ACLY: variants seen among roughly 807,000 people sequenced by gnomAD.
ACLY encodes ATP citrate lyase.
Under a neutral mutation model 133.0 loss-of-function variants are expected in ACLY, and 41 were observed. That is an observed-to-expected ratio of 0.31 (90% CI 0.24 to 0.40). The LOEUF (loss-of-function observed/expected upper bound fraction) is 0.40, where lower values mean the gene tolerates loss of function less well. Ranked by LOEUF, ACLY falls within the 10% of genes least tolerant of loss-of-function variation. The pLI is 1.00. For missense variants in ACLY, 1,046 were observed against 1,453.8 expected (o/e 0.72, Z 4.56); for synonymous variants, 495 against 549.3 (o/e 0.90, Z 1.38).
intron 1 of ACLY, among the ~76,000 whole-genome samples, chr17:41,917,910 C>T (rs1567917847): frequency 6.6e-6 from 1 of 152,148 alleles, no homozygotes; most frequent in Non-Finnish European, 1.5e-5. Context: ...TTCAGCTGAG[C>T]CAGCTGAAAA....
upstream of ACLY, among the ~76,000 whole-genome samples, chr17:41,922,660 T>G (rs376604793): frequency 6.6e-6 from 1 of 152,230 alleles, no homozygotes; most frequent in African/African-American, 2.4e-5. Context: ...TAGGGATCTT[T>G]GTCTATTTTC....
rs144417773 is a variant in ACLY, at chr17:41,898,799, A to T, written c.1184-14T>A. Reference sequence around the variant, plus strand: ...CAGTGGTCTTCCCTGCAAGGGAAGGAAAAAAAAATCCATAATTCAAGTCTG... The same window carrying T: ...CAGTGGTCTTCCCTGCAAGGGAAGGTAAAAAAAATCCATAATTCAAGTCTG... On this transcript the variant is annotated splice_polypyrimidine_tract_variant and intron_variant, in intron 11 of 28. Transcript: ENST00000352035. 1.4e-5 allele frequency: 23 copies of T among 1,600,766 alleles called. No individual in the cohort carries two copies. In the Admixed American group the frequency reaches 3.8e-4, roughly 26 times the overall value.
At chr17:41,892,079 G>T (rs2049228612) in intron 16 of ACLY, among the ~76,000 whole-genome samples, 200 bp downstream of exon 16, 1 of 152,086 alleles carries the variant, frequency 6.6e-6, no homozygotes, top group African/African-American at 2.4e-5. Flanking sequence ...CCTGACTTCT[G>T]AAGATCATGT....
At position 41,909,636 on chromosome 17, in the gene ACLY, T is replaced by C. The variant is rs782387518; in HGVS notation, c.410A>G (p.Glu137Gly). Residue 137 changes from glutamate to glycine, a missense_variant, in exon 5 of 29, where the codon GAG (glutamate) becomes GGG (glycine). Physicochemically the swap from Glu to Gly is moderately conservative, Grantham distance 98 (BLOSUM62 -2). This residue lies in a region of ACLY where 227 missense variants were observed against 245.6 expected (regional missense o/e 0.92). Transcript: ENST00000352035. Reference sequence around the variant, plus strand: ...CACATCACCCACGTCCACACCCCCCTCGTGGTGGAACAGGACGTAGTCCCC... The same window carrying C: ...CACATCACCCACGTCCACACCCCCCCCGTGGTGGAACAGGACGTAGTCCCC... ...REGDYVLFHH[E>G]GGVDVGDVDA... The C allele has an allele frequency of 8.7e-6, 14 of 1,613,996 alleles. No homozygotes were observed. Among genetic ancestry groups the C allele is most frequent in the African/African-American group, 1.3e-5 (1 of 74,894 alleles).
chr17:41,867,657 G>A lies in ACLY; in HGVS notation c.*153C>T. ...GTGTGGACTGAAGGGGTGTTAGCCTGTGGATGTTGGTCTTCGGTGCCTGTA... is the reference window on the plus strand; with the variant it reads ...GTGTGGACTGAAGGGGTGTTAGCCTATGGATGTTGGTCTTCGGTGCCTGTA... On this transcript the variant is annotated 3_prime_UTR_variant, in exon 29 of 29. Transcript: ENST00000352035. 2.0e-6 allele frequency: 1 copy of A among 500,044 alleles called. No homozygotes were observed. The highest frequency in any genetic ancestry group is 3.6e-6 in the Non-Finnish European group (1 of 278,784). The allele number at this position is 500,044 out of a possible 1,614,324, so 31.0% of individuals were successfully genotyped here. A position where few individuals can be genotyped will look rare whatever the true frequency, so the allele number is the denominator to read the frequency against.
chr17:41,888,569 C>T (rs1468827074), intron 16 of ACLY, among the ~76,000 whole-genome samples: 3 of 152,156 alleles, frequency 2.0e-5, no homozygotes, highest in African/African-American at 7.2e-5. Context: ...CCAGGGCCAG[C>T]AAACTTCTGT....
At chr17:41,890,792 G>A (rs1392514046) in intron 16 of ACLY, among the ~76,000 whole-genome samples, 2 of 141,464 alleles carry the variant, frequency 1.4e-5, no homozygotes, top group Non-Finnish European at 3.0e-5. Context: ...CTTAAGGCCA[G>A]GAGTTCGAGA....
chr17:41,894,626 T>C (rs1555630040), intron 14 of ACLY, among the ~76,000 whole-genome samples: 1 of 150,460 alleles, frequency 6.6e-6, no homozygotes, highest in East Asian at 1.9e-4. Context: ...TACCAAAATA[T>C]CTCATGCACC....
At position 41,909,839 on chromosome 17, in the gene ACLY, GA is replaced by G. The variant is rs2049845182; in HGVS notation, c.346-140del. 7.0e-5 allele frequency: 53 copies of G among 761,620 alleles called. No homozygotes were observed. The South Asian group carries it at 1.0e-3, about 14-fold the overall frequency. 47.2% of individuals were successfully genotyped at this position (761,620 alleles called of 1,614,324 possible). On this transcript the variant is annotated intron_variant, in intron 4 of 28. Coordinates refer to ENST00000352035, the MANE Select transcript of ACLY (RefSeq NM_001096.3). ...ACGGTCTCATTTTCTAAAACCCAGT[GA>G]AAACCATTCATCCAGAGACTTGTCC...
At chr17:41,878,719 C>T (rs1555626597) in intron 21 of ACLY, 78 bp downstream of exon 21, 3 of 1,573,144 alleles carry the variant, frequency 1.9e-6, no homozygotes, top group Non-Finnish European at 2.6e-6. Flanking sequence ...CATGATGTCC[C>T]TGTGTGGGAG....
intron 1 of ACLY, among the ~76,000 whole-genome samples, chr17:41,930,131 C>T (rs1425752931): frequency 6.6e-6 from 1 of 152,202 alleles, no homozygotes; most frequent in Non-Finnish European, 1.5e-5. Context: ...TTATGTTGAA[C>T]CCAACGTTAT....
chr17:41,872,142 T>C lies in ACLY; in HGVS notation c.2683A>G (p.Met895Val). 6.2e-7 allele frequency: 1 copy of C among 1,614,008 alleles called. No individual in the cohort carries two copies. Among genetic ancestry groups the C allele is most frequent in the Non-Finnish European group, 8.5e-7 (1 of 1,180,028 alleles). Residue 895 changes from methionine (M) to valine (V), a missense_variant, in exon 24 of 29, where the codon ATG becomes GTG. Around this residue, in one of 4 missense-constraint regions of ACLY, gnomAD observed 205 missense variants for 373.3 expected, o/e 0.55. Coordinates refer to ENST00000352035, the MANE Select transcript of ACLY (RefSeq NM_001096.3). ...YSCQFIEMCLMVTADHGPAVS... is the reference protein window; with the variant it reads ...YSCQFIEMCLVVTADHGPAVS... ...GCTGGCCCGTGATCAGCTGTCACCA[T>C]CAGACACATCTCAATGAACTGGCAA... is the stretch of plus-strand genomic sequence containing the variant.
At chr17:41,897,536 G>C (rs937779335) in intron 13 of ACLY, among the ~76,000 whole-genome samples, 1 of 152,108 alleles carries the variant, frequency 6.6e-6, no homozygotes, top group Non-Finnish European at 1.5e-5. Flanking sequence ...GAGTTGAGGC[G>C]ACCAGGCACG....
chr17:41,920,462 C>T (rs1217845538), upstream of ACLY, among the ~76,000 whole-genome samples: 1 of 151,938 alleles, frequency 6.6e-6, no homozygotes, highest in African/African-American at 2.4e-5. Flanking sequence ...TGGTGGCACA[C>T]GCCTATAAAT....
intron 1 of ACLY, among the ~76,000 whole-genome samples, chr17:41,925,028 TTTA>T (rs149814936): frequency 3.7e-4 from 55 of 149,512 alleles, no homozygotes; most frequent in Middle Eastern, 3.5e-3. Flanking sequence ...TCTGAATGAG[TTTA>T]TTATTATTAT....
intron 14 of ACLY, among the ~76,000 whole-genome samples, chr17:41,894,392 A>G (rs2049304509): frequency 1.3e-5 from 2 of 150,814 alleles, no homozygotes; most frequent in Admixed American, 6.6e-5. Flanking sequence ...AAAAAAAAAA[A>G]AAAAAAAGGG....
At chr17:41,902,199 C>T (rs1353730690) in intron 10 of ACLY, among the ~76,000 whole-genome samples, 1 of 152,170 alleles carries the variant, frequency 6.6e-6, no homozygotes, top group Non-Finnish European at 1.5e-5. Context: ...ACAAAAGCTT[C>T]TTAAGTGATG....
chr17:41,912,029 G>A (rs897874600), intron 3 of ACLY, among the ~76,000 whole-genome samples: 5 of 150,818 alleles, frequency 3.3e-5, no homozygotes, highest in Admixed American at 2.0e-4. Flanking sequence ...CTAGAAAATC[G>A]CTTGAACCCA....
At chr17:41,896,194 AG>A (rs1396536780) in intron 14 of ACLY, among the ~76,000 whole-genome samples, 3 of 152,174 alleles carry the variant, frequency 2.0e-5, no homozygotes, top group African/African-American at 7.2e-5. Flanking sequence ...AATGAGAAGC[AG>A]GGGTGACTTG....
Sources: allele counts gnomAD v4.1 joint callset (sites outside exome capture counted in the v4.1 genomes callset), GRCh38; gene constraint gnomAD v4.1.1; regional missense constraint gnomAD v4.1.1; transcripts MANE v1.5; gene names NCBI Gene and HGNC (gene_info 2026-07-23, HGNC 2026-07-21).